The following SEMA3E variants were observed in gnomAD, a reference collection of about 807,000 sequenced individuals.
SEMA3E encodes the protein semaphorin-3E.
SEMA3E carries 49 observed loss-of-function variants against 93.6 expected under a neutral mutation model. The ratio of observed to expected loss-of-function variants is 0.52; its 90% CI spans 0.42 to 0.66. The LOEUF (loss-of-function observed/expected upper bound fraction) is 0.66, where lower values mean the gene tolerates loss of function less well. Ranked by LOEUF, SEMA3E falls within the 30% of genes least tolerant of loss-of-function variation. The pLI is 0.00. For synonymous variants in SEMA3E, 363 were observed against 330.7 expected (o/e 1.10, Z -1.06); for missense variants, 906 against 964.8 (o/e 0.94, Z 0.81).
chr7:83,585,580 C>A (rs1371758152), intron 1 of SEMA3E, among the ~76,000 whole-genome samples: 1 of 152,160 alleles, frequency 6.6e-6, no homozygotes, highest in East Asian at 1.9e-4. Context: ...CCATAGACTG[C>A]TAAATGGCTG....
At chr7:83,396,524 T>A in intron 12 of SEMA3E, 114 bp downstream of exon 12, 1 of 665,722 alleles carries the variant, frequency 1.5e-6, no homozygotes, top group Non-Finnish European at 2.7e-6. Context: ...ATATTAGCTC[T>A]GAATCCACAA....
chr7:83,382,289 A>C (rs1265719400), intron 16 of SEMA3E, among the ~76,000 whole-genome samples: 1 of 152,026 alleles, frequency 6.6e-6, no homozygotes, highest in Non-Finnish European at 1.5e-5. Context: ...TCTTTATAAT[A>C]AAATGGTATA....
intron 1 of SEMA3E, among the ~76,000 whole-genome samples, chr7:83,492,626 T>C (rs1790409444): frequency 6.6e-6 from 1 of 151,858 alleles, no homozygotes; most frequent in Non-Finnish European, 1.5e-5. Context: ...GGTACATACT[T>C]TGGAGAAAGC....
intron 1 of SEMA3E, among the ~76,000 whole-genome samples, chr7:83,498,027 A>G (rs899778734): frequency 1.1e-4 from 16 of 152,216 alleles, no homozygotes; most frequent in African/African-American, 3.9e-4. Context: ...AATGATTAAG[A>G]TGAAGACATT....
chr7:83,409,586 T>C (rs190433416), intron 5 of SEMA3E, among the ~76,000 whole-genome samples: 1 of 152,286 alleles, frequency 6.6e-6, no homozygotes, highest in Non-Finnish European at 1.5e-5. Context: ...TGTGTATGCA[T>C]ACACATATTT....
chr7:83,488,258 C>A (rs1008305457), intron 2 of SEMA3E, among the ~76,000 whole-genome samples: 2 of 152,002 alleles, frequency 1.3e-5, no homozygotes, highest in Admixed American at 1.3e-4. Flanking sequence ...AGAAAAGATA[C>A]AACAGAAATA....
At chr7:83,381,101 T>G (rs926608295) in intron 16 of SEMA3E, among the ~76,000 whole-genome samples, 1 of 151,990 alleles carries the variant, frequency 6.6e-6, no homozygotes, top group African/African-American at 2.4e-5. Context: ...ACTATAATCT[T>G]AATACAATAA....
intron 1 of SEMA3E, among the ~76,000 whole-genome samples, chr7:83,632,604 C>A (rs374008795): frequency 1.3e-5 from 2 of 152,178 alleles, no homozygotes; most frequent in Admixed American, 6.5e-5. Context: ...GCTTCCCCAA[C>A]CATGTGGAAC....
intron 1 of SEMA3E, among the ~76,000 whole-genome samples, chr7:83,608,392 T>C (rs1352360258): frequency 6.6e-6 from 1 of 152,144 alleles, no homozygotes. Flanking sequence ...TTAATAGGAA[T>C]TTTTTAAAGG....
At position 83,626,869 on chromosome 7, in the gene SEMA3E, T is replaced by C. The variant is rs185029745; in HGVS notation, c.115+21559A>G. 1.3e-3 allele frequency among the ~76,000 whole-genome samples: 196 copies of C among 152,324 alleles called. 1 individual carries two copies. The highest frequency in any genetic ancestry group is 6.8e-3 in the Middle Eastern group (2 of 294). On this transcript the variant is annotated intron_variant, in intron 1 of 16. Transcript: ENST00000643230. ...GTGCCATAAATTTCCCTCTAAACACTGCTTTAGCTGTGTCCCAAAGATTCT... is the reference window on the plus strand; with the variant it reads ...GTGCCATAAATTTCCCTCTAAACACCGCTTTAGCTGTGTCCCAAAGATTCT...
intron 16 of SEMA3E, among the ~76,000 whole-genome samples, chr7:83,381,377 TC>T (rs1787774290): frequency 6.6e-6 from 1 of 151,980 alleles, no homozygotes; most frequent in Admixed American, 6.6e-5. Flanking sequence ...CATCTGCTGT[TC>T]CCATTGTCCA....
intron 4 of SEMA3E, among the ~76,000 whole-genome samples, chr7:83,433,905 T>C (rs1033019628): frequency 6.6e-6 from 1 of 152,090 alleles, no homozygotes; most frequent in African/African-American, 2.4e-5. Flanking sequence ...ATGATCCCAA[T>C]CAAACCTCAT....
At chr7:83,390,682 G>T (rs916374369) in intron 14 of SEMA3E, among the ~76,000 whole-genome samples, 5 of 152,126 alleles carry the variant, frequency 3.3e-5, no homozygotes, top group Admixed American at 6.6e-5. Flanking sequence ...TCTTCCAGGG[G>T]TAGTGATGGT....
chr7:83,378,746 C>T (rs955998993), intron 16 of SEMA3E, among the ~76,000 whole-genome samples: 3 of 151,838 alleles, frequency 2.0e-5, no homozygotes, highest in Non-Finnish European at 4.4e-5. Context: ...CTTATTTAAG[C>T]CATACAGCTC....
chr7:83,440,387 T>A (rs537022370), intron 4 of SEMA3E, among the ~76,000 whole-genome samples: 1 of 152,282 alleles, frequency 6.6e-6, no homozygotes, highest in East Asian at 1.9e-4. Flanking sequence ...ACCTACCAAT[T>A]GGCTAAGAGT....
intron 1 of SEMA3E, among the ~76,000 whole-genome samples, chr7:83,550,506 G>A (rs1430759889): frequency 6.6e-6 from 1 of 152,050 alleles, no homozygotes; most frequent in African/African-American, 2.4e-5. Context: ...TTAAAAAATT[G>A]TGGCATATCT....
chr7:83,645,722 TC>T (rs754503574), intron 1 of SEMA3E, among the ~76,000 whole-genome samples: 7 of 14,314 alleles, frequency 4.9e-4, no homozygotes, highest in Non-Finnish European at 5.5e-4. Context: ...TGTCTCCTTC[TC>T]TCTCTCTCTC....
intron 1 of SEMA3E, among the ~76,000 whole-genome samples, chr7:83,590,134 C>T (rs1792727981): frequency 6.6e-6 from 1 of 152,056 alleles, no homozygotes; most frequent in African/African-American, 2.4e-5. Flanking sequence ...AGATTAGTAA[C>T]ACATTTTCAC....
chr7:83,516,921 T>A (rs1266364656), intron 1 of SEMA3E, among the ~76,000 whole-genome samples: 1 of 149,866 alleles, frequency 6.7e-6, no homozygotes, highest in Non-Finnish European at 1.5e-5. Flanking sequence ...ATACATGCAT[T>A]TATTGAGTAT....
Sources: gnomAD v4.1 joint callset for allele counts (sites outside exome capture counted in the v4.1 genomes callset) on GRCh38, gnomAD v4.1.1 for gene constraint, MANE v1.5 for transcripts, NCBI Gene and HGNC (gene_info 2026-07-23, HGNC 2026-07-21) for gene names.